The following ONECUT3 variants were observed in gnomAD, a reference collection of about 807,000 sequenced individuals.
The protein encoded by ONECUT3 is one cut domain family member 3.
Under a neutral mutation model 16.8 loss-of-function variants are expected in ONECUT3, and 11 were observed. The ratio of observed to expected loss-of-function variants is 0.66; its 90% confidence interval spans 0.41 to 1.09. The LOEUF is 1.09. Ranked by LOEUF, ONECUT3 falls within the 50% of genes least tolerant of loss-of-function variation. The pLI is 0.00. For missense variants in ONECUT3, 637 were observed against 629.9 expected (o/e 1.01, Z -0.12); for synonymous variants, 344 against 310.7 (o/e 1.11, Z -1.13).
In ONECUT3 at chr19:1,779,840, A is replaced by C. The variant is rs978229006; in HGVS notation, c.*4395A>C. The C allele has an allele frequency of 6.6e-6, 1 of 151,872 alleles. No homozygotes were observed. The highest frequency in any genetic ancestry group is 1.5e-5 in the Non-Finnish European group (1 of 67,970). The allele number at this position is 151,872 out of a possible 1,614,324, so 9.4% of individuals were successfully genotyped here. On this transcript the variant is annotated 3_prime_UTR_variant, in exon 2 of 2. Transcript: ENST00000382349. ...CCCCAGGTAGAGGGGGCGGGAACAG[A>C]GCCTCAGTAGCCGGGTCTCCTCCAC...
In ONECUT3 at chr19:1,766,424, T is replaced by G. The variant is rs1600347869; in HGVS notation, c.1193-8729T>G. On this transcript the variant is annotated intron_variant, in intron 1 of 1. Transcript: ENST00000382349. This position sits in a 1 kb window ranked among gnomAD's most constrained non-coding sequence, Gnocchi z 4.0. ...CCCAGCCCCTCCAAAGGCCTCTGGA[T>G]GAAGGGGAGGATGAAGGGGGAGAGA... Among the ~76,000 whole-genome samples the G allele has an allele frequency of 7.7e-6, 1 of 130,572 alleles. No individual in the cohort carries two copies. The highest frequency in any genetic ancestry group is 2.9e-5 in the African/African-American group (1 of 34,358). 85.7% of individuals were successfully genotyped at this position (130,572 alleles called of 152,430 possible).
rs1301162596 is a variant in ONECUT3 at position 1,758,315 on chromosome 19, A to AAGAGAGAGAGAGAG, written c.1192+3469_1192+3482dup. Among the ~76,000 whole-genome samples, 1 of 77,056 alleles carries AAGAGAGAGAGAGAG rather than the reference A, an allele frequency of 1.3e-5. No individual in the cohort carries two copies. Among genetic ancestry groups the AAGAGAGAGAGAGAG allele is most frequent in the African/African-American group, 4.0e-5 (1 of 24,838 alleles). 50.6% of individuals were successfully genotyped at this position (77,056 alleles called of 152,430 possible). A position where few individuals can be genotyped will look rare whatever the true frequency, so the allele number is the denominator to read the frequency against. ...GCAGAGAGACCAAAAAAAAAAAAAA[A>AAGAGAGAGAGAGAG]AGAGAGAGAGAGAGAGAGAGACAGA... On this transcript the variant is annotated intron_variant, in intron 1 of 1. Coordinates refer to ENST00000382349, the MANE Select transcript of ONECUT3 (RefSeq NM_001080488.2). This position sits in a 1 kb window ranked among gnomAD's most constrained non-coding sequence, Gnocchi z 5.9.
chr19:1,759,035 G>T lies in ONECUT3; in HGVS notation c.1192+4181G>T, dbSNP rs1172499245. 1.3e-5 allele frequency among the ~76,000 whole-genome samples: 2 copies of T among 152,124 alleles called. No individual in the cohort carries two copies. Among genetic ancestry groups the T allele is most frequent in the Non-Finnish European group, 1.5e-5 (1 of 68,006 alleles). Reference sequence around the variant, plus strand: ...GAGGCAGGAGCCCAGAATCCCTGAGGGATGGTGGAGCCCAGCATGGAGGAA... The same window carrying T: ...GAGGCAGGAGCCCAGAATCCCTGAGTGATGGTGGAGCCCAGCATGGAGGAA... On this transcript the variant is annotated intron_variant, in intron 1 of 1. Coordinates refer to ENST00000382349, the MANE Select transcript of ONECUT3 (RefSeq NM_001080488.2). This position sits in a 1 kb window ranked among gnomAD's most constrained non-coding sequence, Gnocchi z 4.1.
At chr19:1,763,850 A>G (rs2067962360) in intron 1 of ONECUT3, among the ~76,000 whole-genome samples, 1 of 149,500 alleles carries the variant, frequency 6.7e-6, no homozygotes, top group South Asian at 2.1e-4. Flanking sequence ...GTACTCTCTG[A>G]CTCGGCGGTG....
rs537853808 is a variant in ONECUT3, at chr19:1,761,625, C to A, written c.1192+6771C>A. 5.3e-5 allele frequency among the ~76,000 whole-genome samples: 8 copies of A among 152,306 alleles called. No homozygotes were observed. In the South Asian group the frequency reaches 1.5e-3, roughly 28 times the overall value. On this transcript the variant is annotated intron_variant, in intron 1 of 1. Transcript: ENST00000382349. ...GAGGGAGGCTGAGCCGGGCAGGTAG[C>A]CCGGCTTACCCGGGAGAGCTGGCGC...
chr19:1,772,686 CTTTTTTTTTTTTT>C (rs201848533), intron 1 of ONECUT3, among the ~76,000 whole-genome samples: 9 of 64,034 alleles, frequency 1.4e-4, no homozygotes, highest in Non-Finnish European at 1.6e-4. Flanking sequence ...CTGCTTTACT[CTTTTTTTTTTTTT>C]TTTTTTTTTT....
rs2068141987 is a variant in ONECUT3, at chr19:1,779,847, G to A, written c.*4402G>A. 1 of 152,042 alleles carries A rather than the reference G, an allele frequency of 6.6e-6. No homozygotes were observed. Among genetic ancestry groups the A allele is most frequent in the African/African-American group, 2.4e-5 (1 of 41,368 alleles). The allele number at this position is 152,042 out of a possible 1,614,324, so 9.4% of individuals were successfully genotyped here. On this transcript the variant is annotated 3_prime_UTR_variant, in exon 2 of 2. Coordinates refer to ENST00000382349, the MANE Select transcript of ONECUT3 (RefSeq NM_001080488.2). ...TAGAGGGGGCGGGAACAGAGCCTCA[G>A]TAGCCGGGTCTCCTCCACCTGCCTG...
At chr19:1,763,740 T>G (rs1399323365) in intron 1 of ONECUT3, among the ~76,000 whole-genome samples, 44 of 148,238 alleles carry the variant, frequency 3.0e-4, no homozygotes, top group East Asian at 9.7e-4. Flanking sequence ...TTGTTTTTTT[T>G]TTTTTTTTAA....
chr19:1,780,434 A>G lies in ONECUT3; in HGVS notation c.*4989A>G, dbSNP rs1316645747. On this transcript the variant is annotated 3_prime_UTR_variant, in exon 2 of 2. Coordinates refer to ENST00000382349, the MANE Select transcript of ONECUT3 (RefSeq NM_001080488.2). ...CCCCAGATAGTCCCTGGAGGTGGAA[A>G]GGGGCACAGATGTGCCAGCTTGGGA... 1 of 152,250 alleles carries G rather than the reference A, an allele frequency of 6.6e-6. No homozygotes were observed. The highest frequency in any genetic ancestry group is 1.9e-4 in the East Asian group (1 of 5,176). 9.4% of individuals were successfully genotyped at this position (152,250 alleles called of 1,614,324 possible).
intron 1 of ONECUT3, among the ~76,000 whole-genome samples, chr19:1,756,695 A>ATTTTTTTTTTTTTTTTTTTT (rs58105449): frequency 2.0e-5 from 2 of 101,150 alleles, no homozygotes; most frequent in African/African-American, 4.1e-5. Context: ...ACGCCTGGCT[A>ATTTTTTTTTTTTTTTTTTTT]TTTTTTTTTT....
In ONECUT3 at chr19:1,755,018, G is replaced by A. The variant is rs140055969; in HGVS notation, c.1192+164G>A. On this transcript the variant is annotated intron_variant, in intron 1 of 1. Transcript: ENST00000382349. The surrounding 1 kb of genome is among the most constrained non-coding windows in gnomAD (Gnocchi z 7.5). ...AGGAAGCTAGACCGCGATCCGCGCCGCTGCCCGTTTGTACCGTTGCCAAAA... is the reference window on the plus strand; with the variant it reads ...AGGAAGCTAGACCGCGATCCGCGCCACTGCCCGTTTGTACCGTTGCCAAAA... Among the ~76,000 whole-genome samples, 61 of 152,106 alleles carry A rather than the reference G, an allele frequency of 4.0e-4. No homozygotes were observed. The highest frequency in any genetic ancestry group is 1.4e-3 in the African/African-American group (59 of 41,506).
rs565400313 is a variant in ONECUT3, at chr19:1,764,045, G to T, written c.1192+9191G>T. Among the ~76,000 whole-genome samples the T allele has an allele frequency of 1.3e-5, 2 of 152,276 alleles. No homozygotes were observed. The highest frequency in any genetic ancestry group is 2.4e-5 in the African/African-American group (1 of 41,556). On this transcript the variant is annotated intron_variant, in intron 1 of 1. Transcript: ENST00000382349. This position sits in a 1 kb window ranked among gnomAD's most constrained non-coding sequence, Gnocchi z 5.0. ...GGTCAGCCTCCCCAGCCCCTTTCTG[G>T]GTGGCCGCTTCAGCCGCTTCTTATC...
Position 1,754,403 on chromosome 19 carries a change from G to T in ONECUT3, c.741G>T (p.Pro247=), listed in dbSNP as rs1279869984. 3 of 1,084,138 alleles carry T rather than the reference G, an allele frequency of 2.8e-6. No individual in the cohort carries two copies. The highest frequency in any genetic ancestry group is 1.7e-5 in the African/African-American group (1 of 58,316). 67.2% of individuals were successfully genotyped at this position (1,084,138 alleles called of 1,614,324 possible). A position where few individuals can be genotyped will look rare whatever the true frequency, so the allele number is the denominator to read the frequency against. The stretch of plus-strand genomic sequence containing the variant: ...TGCTGCCGCCCGCCGCCTTCGAGCC[G>T]CACGCCGCGCTGCTGGGACGCGCGG... ...DKLLPPAAFE[P]HAALLGRAED... is the part of the protein sequence containing the mutation. The change falls in exon 1 of 2, where the codon CCG becomes CCT. Residue 247 remains proline (P), a synonymous_variant. Transcript: ENST00000382349. The surrounding 1 kb of genome is among the most constrained non-coding windows in gnomAD (Gnocchi z 7.4).
In ONECUT3 at chr19:1,758,377, T is replaced by G. The variant is rs1456477336; in HGVS notation, c.1192+3523T>G. 6.6e-6 allele frequency among the ~76,000 whole-genome samples: 1 copy of G among 150,436 alleles called. No individual in the cohort carries two copies. The highest frequency in any genetic ancestry group is 2.0e-4 in the East Asian group (1 of 5,126). ...AACTCTGGGTGCTGGAGGCTGCCTC[T>G]GTGTCCACCCCCGCCCTCCCACAGC... On this transcript the variant is annotated intron_variant, in intron 1 of 1. Transcript: ENST00000382349. This position sits in a 1 kb window ranked among gnomAD's most constrained non-coding sequence, Gnocchi z 5.9.
At chr19:1,769,951 G>A (rs2145965514) in intron 1 of ONECUT3, among the ~76,000 whole-genome samples, 1 of 152,256 alleles carries the variant, frequency 6.6e-6, no homozygotes, top group Middle Eastern at 3.4e-3. Flanking sequence ...GGTGGGAAAG[G>A]GACGATATGC....
chr19:1,769,630 C>A (rs116341385), intron 1 of ONECUT3, among the ~76,000 whole-genome samples: 1,667 of 150,110 alleles, frequency 0.011, 26 homozygotes, highest in African/African-American at 0.039. Flanking sequence ...GGTCAGGTGG[C>A]GGTGGTGATG....
chr19:1,770,647 T>G (rs541295649), intron 1 of ONECUT3, among the ~76,000 whole-genome samples: 20 of 152,298 alleles, frequency 1.3e-4, no homozygotes, highest in African/African-American at 4.3e-4. Flanking sequence ...AGGGCCTCCC[T>G]TGGAATTTCA....
Position 1,775,621 on chromosome 19 carries a change from C to T in ONECUT3, c.*176C>T. 3.6e-6 allele frequency: 2 copies of T among 562,302 alleles called. No individual in the cohort carries two copies. The highest frequency in any genetic ancestry group is 2.9e-6 in the Non-Finnish European group (1 of 339,790). 34.8% of individuals were successfully genotyped at this position (562,302 alleles called of 1,614,324 possible). A position where few individuals can be genotyped will look rare whatever the true frequency, so the allele number is the denominator to read the frequency against. ...CAGCACACCCCCCAGCCCAAGTGCA[C>T]AAAAAGGGCCCCCCTTCCTCCCTCC... On this transcript the variant is annotated 3_prime_UTR_variant, in exon 2 of 2. Transcript: ENST00000382349.
intron 1 of ONECUT3, among the ~76,000 whole-genome samples, chr19:1,765,882 C>T (rs546653039): frequency 1.3e-5 from 2 of 152,180 alleles, no homozygotes; most frequent in African/African-American, 4.8e-5. Context: ...GGATGCGTAA[C>T]CCACACCGCA....
Sources: gnomAD v4.1 joint callset for allele counts (sites outside exome capture counted in the v4.1 genomes callset) on GRCh38, gnomAD v4.1.1 for gene constraint, Gnocchi (gnomAD v3.1) non-coding constraint, MANE v1.5 for transcripts, NCBI Gene and HGNC (gene_info 2026-07-23, HGNC 2026-07-21) for gene names.